The following TLK2 variants were observed in gnomAD, a reference collection of about 807,000 sequenced individuals.
The protein encoded by TLK2 is tousled like kinase 2.
TLK2 carries 6 observed loss-of-function variants against 117.3 expected under a neutral mutation model. That is an observed-to-expected ratio of 0.05 (90% CI 0.03 to 0.10). TLK2 has a LOEUF of 0.10. TLK2 is among the 10% of genes least tolerant of loss of function. The pLI is 1.00. For synonymous variants in TLK2, 257 were observed against 316.7 expected (o/e 0.81, Z 2.00); for missense variants, 299 against 901.2 (o/e 0.33, Z 8.56).
At chr17:62,578,630 A>T (rs970998251) in intron 14 of TLK2, 56 bp downstream of exon 14, 1 of 1,311,890 alleles carries the variant, frequency 7.6e-7, no homozygotes, top group African/African-American at 1.4e-5. Context: ...TATGATATGA[A>T]TTGAATGGTC....
chr17:62,594,093 T>C (rs2147058717), intron 16 of TLK2, among the ~76,000 whole-genome samples: 1 of 150,490 alleles, frequency 6.6e-6, no homozygotes, highest in South Asian at 2.2e-4. Flanking sequence ...GCCCCTGCTC[T>C]CTAAAATTTA....
intron 16 of TLK2, among the ~76,000 whole-genome samples, chr17:62,595,485 C>T (rs903153189): frequency 4.6e-5 from 7 of 151,816 alleles, no homozygotes; most frequent in Admixed American, 1.3e-4. Context: ...TCACCACAAG[C>T]GCGAGTAATG....
chr17:62,528,005 T>G (rs1357670223), intron 6 of TLK2, among the ~76,000 whole-genome samples: 1 of 152,128 alleles, frequency 6.6e-6, no homozygotes, highest in African/African-American at 2.4e-5. Flanking sequence ...CCTCCCAAAG[T>G]GTTGGGATTA....
intron 4 of TLK2, among the ~76,000 whole-genome samples, chr17:62,522,543 T>C (rs1213753589): frequency 6.6e-6 from 1 of 152,158 alleles, no homozygotes; most frequent in Non-Finnish European, 1.5e-5. Context: ...CAAATATATA[T>C]TGTACAAAAA....
At chr17:62,498,613 A>C (rs2073924695) in intron 2 of TLK2, among the ~76,000 whole-genome samples, 1 of 151,658 alleles carries the variant, frequency 6.6e-6, no homozygotes, top group Non-Finnish European at 1.5e-5. Flanking sequence ...CTGGTCTCGA[A>C]CTCCTGACCT....
Position 62,613,672 on chromosome 17 carries a change from C to A in TLK2, c.*1107C>A, listed in dbSNP as rs2083940118. On this transcript the variant is annotated 3_prime_UTR_variant, in exon 22 of 22. Transcript: ENST00000346027. ...AAAACTTGATCAGCACATAAGCTTT[C>A]TTCTGTTAGATCTTTTGGCAGCAAA... 1 of 152,154 alleles carries A rather than the reference C, an allele frequency of 6.6e-6. No homozygotes were observed. Among genetic ancestry groups the A allele is most frequent in the African/African-American group, 2.4e-5 (1 of 41,420 alleles). 9.4% of individuals were successfully genotyped at this position (152,154 alleles called of 1,614,324 possible).
chr17:62,578,704 G>T (rs1020218999), intron 14 of TLK2, 130 bp downstream of exon 14: 2 of 659,874 alleles, frequency 3.0e-6, no homozygotes, highest in Admixed American at 6.1e-5. Flanking sequence ...TAGCTCTTTT[G>T]TAGCATCTAA....
chr17:62,490,689 G>A (rs1467392369), intron 2 of TLK2, among the ~76,000 whole-genome samples: 3 of 151,880 alleles, frequency 2.0e-5, no homozygotes, highest in African/African-American at 4.8e-5. Context: ...CTATAGGCAC[G>A]CGCCACCGCA....
At chr17:62,516,485 G>T in intron 2 of TLK2, 1 of 1,605,472 alleles carries the variant, frequency 6.2e-7, no homozygotes, top group Non-Finnish European at 8.5e-7. Flanking sequence ...CGGCTACGGC[G>T]TAGGGTGGCA....
chr17:62,476,145 A>G (rs139907706), upstream of TLK2, among the ~76,000 whole-genome samples: 2 of 151,744 alleles, frequency 1.3e-5, no homozygotes, highest in African/African-American at 4.8e-5. Context: ...ATGCCGAGCT[A>G]ATTTTTGTAT....
At chr17:62,479,642 G>A (rs1472581825) in intron 1 of TLK2, among the ~76,000 whole-genome samples, 1 of 152,170 alleles carries the variant, frequency 6.6e-6, no homozygotes, top group Non-Finnish European at 1.5e-5. Context: ...AAAGTTTGGA[G>A]CCGGCGAGGG....
chr17:62,496,078 C>T (rs2073649467), intron 2 of TLK2, among the ~76,000 whole-genome samples: 1 of 152,116 alleles, frequency 6.6e-6, no homozygotes, highest in Non-Finnish European at 1.5e-5. Context: ...GGTTTCCTTC[C>T]TAGAGACAAC....
At chr17:62,488,166 C>T (rs1446817789) in intron 2 of TLK2, among the ~76,000 whole-genome samples, 1 of 150,504 alleles carries the variant, frequency 6.6e-6, no homozygotes, top group Non-Finnish European at 1.5e-5. Flanking sequence ...AACTCCTGAC[C>T]TCTGGAGTTC....
rs368842048 is a variant in TLK2 at position 62,613,382 on chromosome 17, GTC to G, written c.*823_*824del. 18 of 152,740 alleles carry G rather than the reference GTC, an allele frequency of 1.2e-4. No homozygotes were observed. The South Asian group carries it at 3.5e-3, about 30-fold the overall frequency. The allele number at this position is 152,740 out of a possible 1,614,324, so 9.5% of individuals were successfully genotyped here. ...TGAGGTTAGAAGACTGCAGCTTGGA[GTC>G]TCTCTAGGTTTTCAACTATTTCTTC... is the stretch of plus-strand genomic sequence containing the variant. On this transcript the variant is annotated 3_prime_UTR_variant, in exon 22 of 22. Transcript: ENST00000346027.
intron 2 of TLK2, among the ~76,000 whole-genome samples, chr17:62,513,344 A>G (rs1323295514): frequency 4.2e-5 from 5 of 118,312 alleles, no homozygotes. Flanking sequence ...TTTTAAAGAG[A>G]CAGGTTTTTA....
chr17:62,484,695 G>T (rs1198341754), intron 2 of TLK2, among the ~76,000 whole-genome samples: 1 of 152,094 alleles, frequency 6.6e-6, no homozygotes, highest in Non-Finnish European at 1.5e-5. Context: ...AGAAAAGGGT[G>T]CTTTTGGAAA....
chr17:62,499,774 C>T (rs553514995), intron 2 of TLK2, among the ~76,000 whole-genome samples: 1 of 151,920 alleles, frequency 6.6e-6, no homozygotes, highest in South Asian at 2.1e-4. Context: ...TTGCTTGAAC[C>T]TGGGAGGCAG....
intron 21 of TLK2, 110 bp from the exon 22 acceptor site, chr17:62,612,282 T>C: frequency 8.2e-7 from 1 of 1,225,760 alleles, no homozygotes; most frequent in South Asian, 1.5e-5. Context: ...AAGCCCCTTC[T>C]CTTTAGTTGA....
At chr17:62,548,574 C>G (rs969511854) in intron 7 of TLK2, among the ~76,000 whole-genome samples, 13 of 151,956 alleles carry the variant, frequency 8.6e-5, no homozygotes, top group African/African-American at 2.9e-4. Flanking sequence ...AGCCACTGCA[C>G]CCGGCCCTAT....
Sources: gnomAD v4.1 joint callset for allele counts (sites outside exome capture counted in the v4.1 genomes callset) on GRCh38, gnomAD v4.1.1 for gene constraint, MANE v1.5 for transcripts, NCBI Gene and HGNC (gene_info 2026-07-23, HGNC 2026-07-21) for gene names.